PLCB1: variants seen among roughly 807,000 people sequenced by gnomAD.
The protein encoded by PLCB1 is phospholipase C beta 1, also known as 1-phosphatidylinositol 4,5-bisphosphate phosphodiesterase beta-1.
A neutral mutation model predicts 161.8 loss-of-function variants in PLCB1; 46 were observed. The ratio of observed to expected loss-of-function variants is 0.28; its 90% CI spans 0.22 to 0.36. The LOEUF (loss-of-function observed/expected upper bound fraction) is 0.36. Ranked by LOEUF, PLCB1 falls within the 10% of genes least tolerant of loss-of-function variation. The pLI, the probability that PLCB1 is intolerant of heterozygous loss-of-function variation, is 1.00. For synonymous variants in PLCB1, 517 were observed against 503.7 expected, an observed-to-expected ratio of 1.03 and a Z score of -0.35; for missense variants, 1,016 against 1,472.5, an observed-to-expected ratio of 0.69 and a Z score of 5.07.
intron 2 of PLCB1, among the ~76,000 whole-genome samples, chr20:8,301,791 G>A (rs895391936): frequency 2.0e-5 from 3 of 152,242 alleles, no homozygotes; most frequent in Non-Finnish European, 4.4e-5. Flanking sequence ...AATAATTGGA[G>A]TTGTGCCTTG....
intron 3 of PLCB1, among the ~76,000 whole-genome samples, chr20:8,602,532 A>G (rs1987622071): frequency 6.6e-6 from 1 of 152,230 alleles, no homozygotes. Context: ...GCTGAAACCC[A>G]ATCAAATTCT....
intron 26 of PLCB1, among the ~76,000 whole-genome samples, chr20:8,769,609 G>A (rs1982565280): frequency 6.6e-6 from 1 of 152,138 alleles, no homozygotes; most frequent in Non-Finnish European, 1.5e-5. Context: ...TACATTTACT[G>A]AAAACTTTTT....
chr20:8,192,890 A>G (rs1162516696), intron 2 of PLCB1, among the ~76,000 whole-genome samples: 1 of 151,916 alleles, frequency 6.6e-6, no homozygotes, highest in Non-Finnish European at 1.5e-5. Flanking sequence ...ATGAAACAGG[A>G]TGGGGGCTAA....
intron 3 of PLCB1, among the ~76,000 whole-genome samples, chr20:8,480,146 T>C (rs1600097719): frequency 1.3e-5 from 2 of 152,194 alleles, no homozygotes; most frequent in East Asian, 3.9e-4. Flanking sequence ...AGAACATGGT[T>C]TTCCAGGTTA....
intron 3 of PLCB1, among the ~76,000 whole-genome samples, chr20:8,420,877 C>T (rs1284661797): frequency 6.6e-6 from 1 of 152,088 alleles, no homozygotes; most frequent in East Asian, 1.9e-4. Flanking sequence ...AGAAAATTTG[C>T]CATCTTCATT....
chr20:8,230,039 G>A (rs1979927701), intron 2 of PLCB1, among the ~76,000 whole-genome samples: 1 of 114,138 alleles, frequency 8.8e-6, no homozygotes, highest in African/African-American at 3.0e-5. Flanking sequence ...CTCGGCAACA[G>A]AGTTGCGACT....
intron 3 of PLCB1, among the ~76,000 whole-genome samples, chr20:8,474,786 G>T (rs1368305260): frequency 2.0e-5 from 3 of 152,082 alleles, no homozygotes; most frequent in Non-Finnish European, 4.4e-5. Flanking sequence ...GAATGGGGAA[G>T]TACATTGCCC....
chr20:8,639,860 A>C (rs993824004), intron 4 of PLCB1, among the ~76,000 whole-genome samples: 1 of 151,666 alleles, frequency 6.6e-6, no homozygotes, highest in Admixed American at 6.6e-5. Context: ...AAATAAACTG[A>C]TATCAATATT....
chr20:8,408,264 G>A (rs1250113147), intron 3 of PLCB1, among the ~76,000 whole-genome samples: 2 of 152,028 alleles, frequency 1.3e-5, no homozygotes, highest in Non-Finnish European at 2.9e-5. Flanking sequence ...AATAGTTGCT[G>A]TAGTAGGGCA....
intron 3 of PLCB1, among the ~76,000 whole-genome samples, chr20:8,501,413 A>G (rs949985931): frequency 2.6e-5 from 4 of 152,228 alleles, no homozygotes; most frequent in African/African-American, 9.6e-5. Flanking sequence ...AAACAAAGAC[A>G]CAGTCTGCCC....
intron 3 of PLCB1, among the ~76,000 whole-genome samples, chr20:8,456,166 G>A (rs1981307794): frequency 6.6e-6 from 1 of 152,180 alleles, no homozygotes; most frequent in Non-Finnish European, 1.5e-5. Flanking sequence ...AGATTTTGCT[G>A]TAGGTCTCAC....
chr20:8,182,691 G>A (rs1331733941), intron 2 of PLCB1, among the ~76,000 whole-genome samples: 1 of 149,390 alleles, frequency 6.7e-6, no homozygotes, highest in Admixed American at 6.8e-5. Flanking sequence ...AGCAATTCTT[G>A]TGCCTCAGCC....
chr20:8,840,016 G>T (rs1986436864), intron 31 of PLCB1, among the ~76,000 whole-genome samples: 1 of 146,426 alleles, frequency 6.8e-6, no homozygotes, highest in Non-Finnish European at 1.5e-5. Flanking sequence ...GGGTGACAGA[G>T]AGAAACTCTG....
chr20:8,526,895 C>T (rs1035347841), intron 3 of PLCB1, among the ~76,000 whole-genome samples: 4 of 152,062 alleles, frequency 2.6e-5, no homozygotes, highest in African/African-American at 7.2e-5. Flanking sequence ...GTCAGGTTTT[C>T]ACCCCTCATC....
At chr20:8,518,857 G>A (rs2122875620) in intron 3 of PLCB1, among the ~76,000 whole-genome samples, 1 of 151,906 alleles carries the variant, frequency 6.6e-6, no homozygotes, top group Non-Finnish European at 1.5e-5. Flanking sequence ...CCCATCTGGG[G>A]GTGATGGAAG....
intron 31 of PLCB1, among the ~76,000 whole-genome samples, chr20:8,801,677 C>T (rs1032621550): frequency 6.6e-6 from 1 of 152,180 alleles, no homozygotes; most frequent in East Asian, 1.9e-4. Context: ...CCCTTAAGCC[C>T]AGACTCCTTG....
At chr20:8,357,755 A>G (rs1986408837) in intron 2 of PLCB1, among the ~76,000 whole-genome samples, 1 of 152,226 alleles carries the variant, frequency 6.6e-6, no homozygotes, top group Non-Finnish European at 1.5e-5. Flanking sequence ...CGTTCTGCTG[A>G]TGGCAGTTTT....
chr20:8,811,178 C>G (rs979307425), intron 31 of PLCB1, among the ~76,000 whole-genome samples: 1 of 152,060 alleles, frequency 6.6e-6, no homozygotes, highest in African/African-American at 2.4e-5. Flanking sequence ...TCCAGGAGGT[C>G]ATTATTGGCC....
At chr20:8,397,774 A>G (rs901595489) in intron 3 of PLCB1, among the ~76,000 whole-genome samples, 4 of 152,124 alleles carry the variant, frequency 2.6e-5, no homozygotes, top group Non-Finnish European at 5.9e-5. Flanking sequence ...ATACCTCTTC[A>G]TATGGGTCAT....
Sources: gnomAD v4.1 joint callset for allele counts (sites outside exome capture counted in the v4.1 genomes callset) on GRCh38, gnomAD v4.1.1 for gene constraint, MANE v1.5 for transcripts, NCBI Gene and HGNC (gene_info 2026-07-23, HGNC 2026-07-21) for gene names.